The following MMD2 variants were observed in gnomAD, a reference collection of about 807,000 sequenced individuals.
The protein encoded by MMD2 is monocyte to macrophage differentiation associated 2.
Under a neutral mutation model 33.5 loss-of-function variants are expected in MMD2, and 30 were observed. The observed-to-expected ratio is 0.90, with a 90% confidence interval of 0.67 to 1.22. MMD2 has a LOEUF of 1.22. Among genes scored for constraint, MMD2 ranks in the 50% most tolerant of loss-of-function variants. MMD2 has a pLI of 0.00. For synonymous variants in MMD2, 129 were observed against 123.0 expected, an observed-to-expected ratio of 1.05 and a Z score of -0.32; for missense variants, 364 against 325.4, an observed-to-expected ratio of 1.12 and a Z score of -0.91.
intron 1 of MMD2, among the ~76,000 whole-genome samples, chr7:4,934,368 T>G (rs1353674689): frequency 6.6e-6 from 1 of 152,092 alleles, no homozygotes; most frequent in Admixed American, 6.6e-5. Context: ...ACTCCCAGAG[T>G]GCTGGGTTAC....
At chr7:4,909,750 C>T (rs1784957258) in intron 6 of MMD2, 131 bp downstream of exon 6, 1 of 1,256,998 alleles carries the variant, frequency 8.0e-7, no homozygotes, top group Non-Finnish European at 1.1e-6. Context: ...CCTCTTTAGA[C>T]AAGTCATGCC....
At chr7:4,921,620 CAAAAAAAA>C (rs1209184282) in intron 2 of MMD2, among the ~76,000 whole-genome samples, 3 of 67,448 alleles carry the variant, frequency 4.4e-5, no homozygotes, top group African/African-American at 1.4e-4. Flanking sequence ...GACTCTGTCT[CAAAAAAAA>C]AAAAAAAAAA....
In MMD2 at chr7:4,920,225, A is replaced by T; in HGVS notation, c.236T>A (p.Leu79His). 6.3e-7 allele frequency: 1 copy of T among 1,584,462 alleles called. No individual in the cohort carries two copies. The highest frequency in any genetic ancestry group is 2.3e-5 in the East Asian group (1 of 43,398). The change falls in exon 3 of 7, where the codon CTC becomes CAC. Residue 79 changes from leucine (L) to histidine (H), a missense_variant. By Grantham distance (99) the Leu-to-His change is moderately conservative. Coordinates refer to ENST00000401401, the MANE Select transcript of MMD2 (RefSeq NM_198403.4). Reference sequence around the variant, plus strand: ...GTGAAACACAGTGGACACCACGAAGAGGCCGCAGAGGCCGAGGCCGTAGAT... The same window carrying T: ...GTGAAACACAGTGGACACCACGAAGTGGCCGCAGAGGCCGAGGCCGTAGAT... ...AWIYGLGLCG[L>H]FVVSTVFHTI...
the MMD2 span, among the ~76,000 whole-genome samples, chr7:4,900,628 C>A: frequency 6.6e-6 from 1 of 152,088 alleles, no homozygotes; most frequent in Non-Finnish European, 1.5e-5. Context: ...CTCCTCACCT[C>A]CCACCCCAGC....
At chr7:4,903,870 C>A (rs1332911957), downstream of MMD2, among the ~76,000 whole-genome samples, 1 of 152,186 alleles carries the variant, frequency 6.6e-6, no homozygotes, top group African/African-American at 2.4e-5. Flanking sequence ...TCACCGGGAA[C>A]CTCACGGCCC....
the MMD2 span, among the ~76,000 whole-genome samples, chr7:4,894,440 A>C: frequency 6.3e-3 from 966 of 152,320 alleles, 18 homozygotes; most frequent in African/African-American, 0.022. The surrounding 1 kb of genome is among the most constrained non-coding windows in gnomAD (Gnocchi z 4.3). Context: ...AGATAGTAAC[A>C]GAGTGGCTTT....
rs143826736 is a variant in MMD2, at chr7:4,908,754, G to T, written c.537+1127C>A. Among the ~76,000 whole-genome samples, 68 of 151,920 alleles carry T rather than the reference G, an allele frequency of 4.5e-4. No individual in the cohort carries two copies. The East Asian group carries it at 0.013, about 29-fold the overall frequency. The stretch of plus-strand genomic sequence containing the variant: ...TCTACTAAAAATACAATAATTAGCC[G>T]AGAGTGGTGGCACGCGCCTGTAATC... On this transcript the variant is annotated intron_variant, in intron 6 of 6. Coordinates refer to ENST00000401401, the MANE Select transcript of MMD2 (RefSeq NM_198403.4).
chr7:4,945,860 C>T (rs1272285877), intron 1 of MMD2, among the ~76,000 whole-genome samples: 1 of 152,230 alleles, frequency 6.6e-6, no homozygotes, highest in Non-Finnish European at 1.5e-5. Flanking sequence ...CAGGCGTGAG[C>T]CGCCGCACCC....
rs1786346530 is a variant in MMD2 at position 4,955,021 on chromosome 7, AAATGCCTTTTAAAAAGTT to A, written c.47+3932_47+3949del. 3.3e-5 allele frequency among the ~76,000 whole-genome samples: 5 copies of A among 152,248 alleles called. No individual in the cohort carries two copies. In the South Asian group the frequency reaches 1.0e-3, roughly 32 times the overall value. ...AGCAACACCATCTTTGGTAAAAATA[AAATGCCTTTTAAAAAGTT>A]GAGATGGGATCTTGCTATGTTGCCC... On this transcript the variant is annotated intron_variant, in intron 1 of 6. Coordinates refer to ENST00000401401, the MANE Select transcript of MMD2 (RefSeq NM_198403.4).
chr7:4,898,068 T>A, the MMD2 span, among the ~76,000 whole-genome samples: 1 of 152,158 alleles, frequency 6.6e-6, no homozygotes, highest in African/African-American at 2.4e-5. Flanking sequence ...TAAACCCTCC[T>A]GACCTAATGC....
intron 1 of MMD2, among the ~76,000 whole-genome samples, chr7:4,936,995 CA>C (rs1163822901): frequency 6.6e-6 from 1 of 151,632 alleles, no homozygotes; most frequent in Admixed American, 6.6e-5. Context: ...CTCGGCCTCC[CA>C]AAGTGTTGGA....
the MMD2 span, among the ~76,000 whole-genome samples, chr7:4,894,978 T>C: frequency 1.3e-5 from 2 of 152,116 alleles, no homozygotes; most frequent in African/African-American, 4.8e-5. This position sits in a 1 kb window ranked among gnomAD's most constrained non-coding sequence, Gnocchi z 4.3. Flanking sequence ...AGCTGCACTG[T>C]CTGAAGTTAG....
intron 1 of MMD2, among the ~76,000 whole-genome samples, chr7:4,951,238 C>G (rs1046239777): frequency 1.3e-5 from 2 of 152,106 alleles, no homozygotes; most frequent in African/African-American, 4.8e-5. Flanking sequence ...GCTTCTGTCC[C>G]TTTATTTTCT....
At position 4,946,141 on chromosome 7, in the gene MMD2, G is replaced by A. The variant is rs943730132; in HGVS notation, c.47+12830C>T. 3.4e-5 allele frequency among the ~76,000 whole-genome samples: 5 copies of A among 146,982 alleles called. No individual in the cohort carries two copies. The highest frequency in any genetic ancestry group is 2.0e-4 in the East Asian group (1 of 4,980). ...CGCACGCACACACCTGCACACGCAC[G>A]CACACCCACACCCGCGCGCACACCT... On this transcript the variant is annotated intron_variant, in intron 1 of 6. Transcript: ENST00000401401. The surrounding 1 kb of genome is among the most constrained non-coding windows in gnomAD (Gnocchi z 5.0).
At chr7:4,956,768 G>A (rs1202630585) in intron 1 of MMD2, among the ~76,000 whole-genome samples, 1 of 152,144 alleles carries the variant, frequency 6.6e-6, no homozygotes, top group Non-Finnish European at 1.5e-5. Context: ...TGTGGGACAG[G>A]CCCGGGCTGG....
At chr7:4,932,444 T>C (rs1467261963) in intron 1 of MMD2, among the ~76,000 whole-genome samples, 1 of 152,154 alleles carries the variant, frequency 6.6e-6, no homozygotes, top group African/African-American at 2.4e-5. Context: ...TCCTCTTTTT[T>C]TGCTATAGTT....
intron 1 of MMD2, among the ~76,000 whole-genome samples, chr7:4,927,567 C>T (rs191056460): frequency 1.1e-3 from 160 of 151,528 alleles, no homozygotes; most frequent in African/African-American, 3.6e-3. Context: ...ATTAGCCAGG[C>T]GTGGTGCCAC....
In MMD2 at chr7:4,946,348, C is replaced by T. The variant is rs1786087546; in HGVS notation, c.47+12623G>A. 6.6e-6 allele frequency among the ~76,000 whole-genome samples: 1 copy of T among 152,218 alleles called. No individual in the cohort carries two copies. Among genetic ancestry groups the T allele is most frequent in the Non-Finnish European group, 1.5e-5 (1 of 68,036 alleles). Reference sequence around the variant, plus strand: ...CAAACATGGACGGATCAATTTGTTTCCCTCTGCGGCCTTTCTCTGAAAGAA... The same window carrying T: ...CAAACATGGACGGATCAATTTGTTTTCCTCTGCGGCCTTTCTCTGAAAGAA... On this transcript the variant is annotated intron_variant, in intron 1 of 6. Coordinates refer to ENST00000401401, the MANE Select transcript of MMD2 (RefSeq NM_198403.4). The surrounding 1 kb of genome is among the most constrained non-coding windows in gnomAD (Gnocchi z 5.0).
At chr7:4,925,006 C>A (rs1477725822) in intron 2 of MMD2, among the ~76,000 whole-genome samples, 1 of 152,154 alleles carries the variant, frequency 6.6e-6, no homozygotes, top group African/African-American at 2.4e-5. Flanking sequence ...TCTCGGCTCA[C>A]TGCAACCTCC....
Sources: allele counts gnomAD v4.1 joint callset (sites outside exome capture counted in the v4.1 genomes callset), GRCh38; gene constraint gnomAD v4.1.1; non-coding constraint Gnocchi (gnomAD v3.1); transcripts MANE v1.5; gene names NCBI Gene and HGNC (gene_info 2026-07-23, HGNC 2026-07-21).